Variants in FBXO34 observed in about 807,000 individuals in gnomAD.
The protein encoded by FBXO34 is F-box only protein 34.
A neutral mutation model predicts 24.5 loss-of-function variants in FBXO34; 12 were observed. The observed-to-expected ratio is 0.49, with a 90% CI of 0.31 to 0.79. The LOEUF (loss-of-function observed/expected upper bound fraction) is 0.79. Among genes scored for constraint, FBXO34 ranks in the 30% least tolerant of loss-of-function variants. The pLI is 0.04. For missense variants in FBXO34, 823 were observed against 857.7 expected (o/e 0.96, Z 0.51); for synonymous variants, 320 against 311.9 (o/e 1.03, Z -0.27).
chr14:55,328,125 T>G (rs1419495344), intron 1 of FBXO34, among the ~76,000 whole-genome samples: 2 of 151,368 alleles, frequency 1.3e-5, no homozygotes, highest in Non-Finnish European at 2.9e-5. Flanking sequence ...ATCGGCTAAT[T>G]TTTTTGTATT....
intron 1 of FBXO34, among the ~76,000 whole-genome samples, chr14:55,275,499 A>G (rs771883121): frequency 7.2e-5 from 11 of 152,000 alleles, no homozygotes; most frequent in Middle Eastern, 3.2e-3. Flanking sequence ...CTTGGGTGTG[A>G]GAGGCTAGAG....
chr14:55,322,307 C>G (rs1407828981), intron 1 of FBXO34, among the ~76,000 whole-genome samples: 4 of 76,742 alleles, frequency 5.2e-5, no homozygotes, highest in African/African-American at 2.3e-4. Context: ...AAGACTCTGT[C>G]TCAAAAAAAA....
the FBXO34 span, among the ~76,000 whole-genome samples, chr14:55,430,950 T>C: frequency 6.6e-6 from 1 of 152,240 alleles, no homozygotes; most frequent in Non-Finnish European, 1.5e-5. Context: ...GCTGTGATAT[T>C]CTAAGGACAC....
chr14:55,279,577 C>T (rs573379706), intron 1 of FBXO34, among the ~76,000 whole-genome samples: 12 of 152,270 alleles, frequency 7.9e-5, no homozygotes, highest in Non-Finnish European at 1.8e-4. Context: ...TATATAAACC[C>T]TTGGAGTATG....
At chr14:55,442,721 A>ATTT in the FBXO34 span, among the ~76,000 whole-genome samples, 87,509 of 151,630 alleles carry the variant, frequency 0.58, 25,212 homozygotes, top group Admixed American at 0.65. Flanking sequence ...TAACCTACAC[A>ATTT]TTTTTTTAGC....
At chr14:55,309,543 A>G (rs142195440) in intron 1 of FBXO34, among the ~76,000 whole-genome samples, 1 of 152,238 alleles carries the variant, frequency 6.6e-6, no homozygotes, top group Non-Finnish European at 1.5e-5. Context: ...TTTTTCAAGC[A>G]GGAGGACTAG....
downstream of FBXO34, among the ~76,000 whole-genome samples, chr14:55,371,685 T>C (rs1177544414): frequency 6.6e-6 from 1 of 152,040 alleles, no homozygotes; most frequent in Non-Finnish European, 1.5e-5. Context: ...GCACCTGTAG[T>C]CCCGGCTACT....
At chr14:55,318,167 C>G (rs1882997878) in intron 1 of FBXO34, 1 of 151,438 alleles carries the variant, frequency 6.6e-6, no homozygotes, top group Admixed American at 6.6e-5. Context: ...GAGTTTATGT[C>G]TTTACATTTC....
chr14:55,439,475 C>T, the FBXO34 span, among the ~76,000 whole-genome samples: 6 of 146,454 alleles, frequency 4.1e-5, no homozygotes, highest in Non-Finnish European at 9.0e-5. Context: ...GCACAATGCA[C>T]TCTCTGTGCA....
chr14:55,326,291 C>G (rs1883340466), intron 1 of FBXO34, among the ~76,000 whole-genome samples: 1 of 152,138 alleles, frequency 6.6e-6, no homozygotes, highest in African/African-American at 2.4e-5. Flanking sequence ...TTAAAGACAA[C>G]TAGTAGGGAA....
At chr14:55,402,926 A>AAAATAT in the FBXO34 span, among the ~76,000 whole-genome samples, 1 of 16,400 alleles carries the variant, frequency 6.1e-5, no homozygotes, top group Non-Finnish European at 1.1e-4. Context: ...AAAAAAAAAA[A>AAAATAT]ATATATATAT....
chr14:55,355,342 T>C (rs1382513232), downstream of FBXO34: 1 of 152,234 alleles, frequency 6.6e-6, no homozygotes, highest in East Asian at 1.9e-4. Context: ...GATACCTCTT[T>C]TGGAACCCAA....
At position 55,338,143 on chromosome 14, in the gene FBXO34, G is replaced by A. The variant is rs566768315; in HGVS notation, c.-10-12238G>A. 2.8e-5 allele frequency among the ~76,000 whole-genome samples: 4 copies of A among 143,918 alleles called. No homozygotes were observed. The South Asian group carries it at 6.7e-4, about 24-fold the overall frequency. 94.4% of individuals were successfully genotyped at this position (143,918 alleles called of 152,430 possible). ...CAGCTCACTGCAACCTCTGCCTCCC[G>A]GATTCAAGCAATTCTCCTGCCTCAG... On this transcript the variant is annotated intron_variant, in intron 1 of 1. Coordinates refer to ENST00000313833, the MANE Select transcript of FBXO34 (RefSeq NM_017943.4).
At chr14:55,354,627 C>G (rs1485898358), downstream of FBXO34, 1 of 152,216 alleles carries the variant, frequency 6.6e-6, no homozygotes, top group Non-Finnish European at 1.5e-5. Flanking sequence ...GTACTTGGGT[C>G]CCTCAGAAAT....
intron 1 of FBXO34, among the ~76,000 whole-genome samples, chr14:55,292,672 A>T (rs140160810): frequency 5.1e-4 from 77 of 152,222 alleles, no homozygotes; most frequent in Non-Finnish European, 9.3e-4. Flanking sequence ...CTTTTAAAGT[A>T]GGAAATGGGA....
At chr14:55,436,751 G>A in the FBXO34 span, 1 of 1,614,202 alleles carries the variant, frequency 6.2e-7, no homozygotes, top group Non-Finnish European at 8.5e-7. Flanking sequence ...CCAACGTCCT[G>A]TTCGCTGGGT....
intron 1 of FBXO34, among the ~76,000 whole-genome samples, chr14:55,301,106 C>T (rs1016472419): frequency 6.6e-6 from 1 of 152,072 alleles, no homozygotes; most frequent in Non-Finnish European, 1.5e-5. Flanking sequence ...TTTCATAGAA[C>T]GAACAAGAAA....
intron 1 of FBXO34, chr14:55,298,923 C>A: frequency 6.3e-7 from 1 of 1,577,988 alleles, no homozygotes; most frequent in Non-Finnish European, 8.7e-7. Flanking sequence ...TACCGAGGTG[C>A]TCAAGAACAT....
chr14:55,378,708 T>A, the FBXO34 span, among the ~76,000 whole-genome samples: 1 of 151,518 alleles, frequency 6.6e-6, no homozygotes, highest in African/African-American at 2.4e-5. Flanking sequence ...ACCTTTTTTG[T>A]TTGTTTTTTA....
Sources: allele counts gnomAD v4.1 joint callset (sites outside exome capture counted in the v4.1 genomes callset), GRCh38; gene constraint gnomAD v4.1.1; transcripts MANE v1.5; gene names NCBI Gene and HGNC (gene_info 2026-07-23, HGNC 2026-07-21).